Variants in ABCA13 observed in about 807,000 individuals in gnomAD.
The protein encoded by ABCA13 is ATP binding cassette subfamily A member 13.
ABCA13 carries 476 observed loss-of-function variants against 478.7 expected under a neutral mutation model. The observed-to-expected ratio is 0.99, with a 90% CI of 0.92 to 1.07. ABCA13 has a LOEUF of 1.07. ABCA13 is among the 50% of genes least tolerant of loss of function. The pLI is 0.00. For missense variants in ABCA13, 6,060 were observed against 5,910.6 expected (o/e 1.03, Z -0.83); for synonymous variants, 2,252 against 2,158.9 (o/e 1.04, Z -1.20).
At chr7:48,420,773 A>G (rs1015858756) in intron 41 of ABCA13, among the ~76,000 whole-genome samples, 4 of 150,808 alleles carry the variant, frequency 2.7e-5, no homozygotes, top group African/African-American at 9.8e-5. Flanking sequence ...AATTTTTAAG[A>G]AAAAAGAATT....
In ABCA13 at chr7:48,227,305, G is replaced by A; in HGVS notation, c.512G>A (p.Ser171Asn). The A allele has an allele frequency of 6.2e-7, 1 of 1,613,700 alleles. No individual in the cohort carries two copies. Among genetic ancestry groups the A allele is most frequent in the East Asian group, 2.2e-5 (1 of 44,856 alleles). The change falls in exon 6 of 62, where the codon AGC (serine) becomes AAC (asparagine). Residue 171 changes from serine (S) to asparagine (N), a missense_variant. Around this residue, in one of 3 missense-constraint regions of ABCA13, gnomAD observed 4,423 missense variants for 4,309.1 expected, o/e 1.03. Coordinates refer to ENST00000435803, the MANE Select transcript of ABCA13 (RefSeq NM_152701.5). ...GAGGAGGTAATATTGAAACTGGAAA[G>A]CCTCCATCAGCAGCCTCATATCTGG... ...KTEEVILKLESLHQQPHIWDF... is the reference protein window; with the variant it reads ...KTEEVILKLENLHQQPHIWDF...
intron 29 of ABCA13, among the ~76,000 whole-genome samples, chr7:48,346,351 T>G (rs1808097690): frequency 1.3e-5 from 2 of 151,976 alleles, no homozygotes; most frequent in African/African-American, 4.9e-5. Context: ...GTTTAACATC[T>G]GCTGTTTTAT....
In ABCA13 at chr7:48,271,815, A is replaced by T; in HGVS notation, c.2149A>T (p.Met717Leu). ...TTTAAATTTCACAAAGCACCTTCTA[A>T]TGATGGAAAAGAAGTTGCACACCCT... ...RALNFTKHLL[M>L]MEKKLHTLED... is the part of the protein sequence containing the mutation. Residue 717 changes from methionine to leucine, a missense_variant, in exon 17 of 62, where the codon ATG (methionine) becomes TTG (leucine). Transcript: ENST00000435803. The T allele has an allele frequency of 6.5e-7, 1 of 1,540,582 alleles. No homozygotes were observed. Among genetic ancestry groups the T allele is most frequent in the South Asian group, 1.3e-5 (1 of 79,664 alleles).
chr7:48,578,459 T>C (rs557862728), intron 55 of ABCA13, among the ~76,000 whole-genome samples: 2 of 152,276 alleles, frequency 1.3e-5, no homozygotes, highest in South Asian at 4.1e-4. Flanking sequence ...TTTAAAAACA[T>C]ATCATTTACA....
chr7:48,420,460 A>C (rs777058184), intron 41 of ABCA13, among the ~76,000 whole-genome samples: 2 of 152,252 alleles, frequency 1.3e-5, no homozygotes, highest in African/African-American at 2.4e-5. Flanking sequence ...AAGCCAAGAC[A>C]AAACTTTCTG....
chr7:48,443,870 C>T (rs1438825288), intron 42 of ABCA13, among the ~76,000 whole-genome samples: 1 of 152,028 alleles, frequency 6.6e-6, no homozygotes, highest in Non-Finnish European at 1.5e-5. Context: ...ATCCTCTTTC[C>T]TTCCTGTTAC....
At chr7:48,239,988 T>C (rs1790564672) in intron 9 of ABCA13, among the ~76,000 whole-genome samples, 1 of 152,216 alleles carries the variant, frequency 6.6e-6, no homozygotes, top group African/African-American at 2.4e-5. Flanking sequence ...AGCTTTGCGC[T>C]TCTTGGGGAG....
At chr7:48,560,105 C>G (rs1441926537) in intron 55 of ABCA13, among the ~76,000 whole-genome samples, 2 of 152,100 alleles carry the variant, frequency 1.3e-5, no homozygotes, top group Non-Finnish European at 2.9e-5. Flanking sequence ...AATTTTAGTC[C>G]TTGTGTTCTA....
At position 48,467,037 on chromosome 7, in the gene ABCA13, C is replaced by G. The variant is rs1467730875; in HGVS notation, c.12897C>G (p.Asn4299Lys). 1 of 1,613,958 alleles carries G rather than the reference C, an allele frequency of 6.2e-7. No homozygotes were observed. Among genetic ancestry groups the G allele is most frequent in the Non-Finnish European group, 8.5e-7 (1 of 1,179,844 alleles). The change falls in exon 44 of 62, where the codon AAC becomes AAG. Residue 4299 changes from asparagine (N) to lysine (K), a missense_variant. Transcript: ENST00000435803. ...RDQDLPCADL[N>K]PRQKNSSCWR... is the part of the protein sequence containing the mutation. ...AAGATTTGCCCTGTGCAGATTTAAACCCACGCCAGTAAGTGTCAGGTGCTC... is the reference window on the plus strand; with the variant it reads ...AAGATTTGCCCTGTGCAGATTTAAAGCCACGCCAGTAAGTGTCAGGTGCTC...
chr7:48,516,922 C>G, intron 52 of ABCA13, 41 bp downstream of exon 52: 1 of 1,585,688 alleles, frequency 6.3e-7, no homozygotes, highest in Non-Finnish European at 8.6e-7. Context: ...TTCTGCACCT[C>G]TAGTGCAAAG....
chr7:48,315,258 A>G (rs1289864236), intron 26 of ABCA13, among the ~76,000 whole-genome samples: 1 of 152,224 alleles, frequency 6.6e-6, no homozygotes, highest in Non-Finnish European at 1.5e-5. Context: ...TGCACACTTA[A>G]TGGCATAAGA....
chr7:48,390,401 G>C (rs954086560), intron 37 of ABCA13, among the ~76,000 whole-genome samples: 18 of 152,182 alleles, frequency 1.2e-4, no homozygotes, highest in African/African-American at 4.1e-4. Context: ...GACTTCTAGG[G>C]AATGTGTATA....
In ABCA13 at chr7:48,274,625, T is replaced by C. The variant is rs1298174492; in HGVS notation, c.4959T>C (p.Asn1653=). The C allele has an allele frequency of 1.2e-6, 2 of 1,613,876 alleles. No homozygotes were observed. Among genetic ancestry groups the C allele is most frequent in the Non-Finnish European group, 1.7e-6 (2 of 1,179,864 alleles). Residue 1653 remains asparagine (N), a synonymous_variant, in exon 17 of 62, where the codon AAT becomes AAC. Transcript: ENST00000435803. ...MPVVHHTSPQ[N]AGYMQALKKV... is the part of the protein sequence containing the mutation. ...TAGTTCATCACACTAGTCCACAAAA[T>C]GCAGGTTATATGCAAGCTTTGAAGA...
At position 48,508,163 on chromosome 7, in the gene ABCA13, A is replaced by C. The variant is rs1423972803; in HGVS notation, c.13524+114A>C. On this transcript the variant is annotated intron_variant, in intron 50 of 61. Transcript: ENST00000435803. ...CTGGCTGCCTTGGAGTGTCCACAAA[A>C]AGGGGTCATCTTATTGATAAGAGCA... 3 of 1,289,514 alleles carry C rather than the reference A, an allele frequency of 2.3e-6. No homozygotes were observed. The East Asian group carries it at 7.3e-5, about 31-fold the overall frequency. 79.9% of individuals were successfully genotyped at this position (1,289,514 alleles called of 1,614,324 possible).
Position 48,335,471 on chromosome 7 carries a change from C to T in ABCA13, c.10049C>T (p.Thr3350Ile). Residue 3350 changes from threonine to isoleucine, a missense_variant, in exon 28 of 62, where the codon ACA (threonine) becomes ATA (isoleucine). By Grantham distance (89) the Thr-to-Ile change is moderately conservative. This residue lies in a region of ABCA13 where 4,423 missense variants were observed against 4,309.1 expected (regional missense o/e 1.03). Transcript: ENST00000435803. ...GACAAACTAAAAACTTTATCAGAAACACTGCTGGAAATGTCCAGCCTTTTC... is the reference window on the plus strand; with the variant it reads ...GACAAACTAAAAACTTTATCAGAAATACTGCTGGAAATGTCCAGCCTTTTC... The part of the protein sequence containing the change: ...IVDKLKTLSE[T>I]LLEMSSLFQR... 2 of 1,613,384 alleles carry T rather than the reference C, an allele frequency of 1.2e-6. No homozygotes were observed. Among genetic ancestry groups the T allele is most frequent in the Non-Finnish European group, 1.7e-6 (2 of 1,179,570 alleles).
intron 3 of ABCA13, among the ~76,000 whole-genome samples, chr7:48,200,093 G>T (rs1458985788): frequency 6.6e-6 from 1 of 152,302 alleles, no homozygotes; most frequent in East Asian, 1.9e-4. Context: ...GGCCAGGCAC[G>T]GTGGCTCACA....
chr7:48,411,031 CTTTCTT>C (rs1282152349), intron 40 of ABCA13, among the ~76,000 whole-genome samples: 1 of 115,892 alleles, frequency 8.6e-6, no homozygotes, highest in Non-Finnish European at 1.9e-5. Context: ...TTCTTTCTTT[CTTTCTT>C]TCTTTCTTTC....
intron 23 of ABCA13, among the ~76,000 whole-genome samples, chr7:48,301,568 C>T (rs1037225423): frequency 6.6e-6 from 1 of 151,034 alleles, no homozygotes; most frequent in African/African-American, 2.4e-5. Flanking sequence ...TAATGTGTGA[C>T]TAGAGTTATG....
chr7:48,596,205 C>T (rs1021559944), intron 58 of ABCA13, among the ~76,000 whole-genome samples: 3 of 152,222 alleles, frequency 2.0e-5, no homozygotes, highest in Admixed American at 6.5e-5. Context: ...CACATTGCTT[C>T]ATGTCAAAGT....
Sources: gnomAD v4.1 joint callset for allele counts (sites outside exome capture counted in the v4.1 genomes callset) on GRCh38, gnomAD v4.1.1 for gene constraint, gnomAD v4.1.1 regional missense constraint, MANE v1.5 for transcripts, NCBI Gene and HGNC (gene_info 2026-07-23, HGNC 2026-07-21) for gene names.